ITPR1: variants seen among roughly 807,000 people sequenced by gnomAD.
ITPR1 encodes the protein inositol 1,4,5-trisphosphate receptor type 1.
A neutral mutation model predicts 318.4 loss-of-function variants in ITPR1; 96 were observed. The ratio of observed to expected loss-of-function variants is 0.30; its 90% CI spans 0.26 to 0.36. The LOEUF (loss-of-function observed/expected upper bound fraction) is 0.36, where lower values mean the gene tolerates loss of function less well. ITPR1 is among the 10% of genes least tolerant of loss of function. The pLI, the probability that ITPR1 is intolerant of heterozygous loss-of-function variation, is 1.00. For synonymous variants in ITPR1, 1,312 were observed against 1,289.9 expected (o/e 1.02, Z -0.37); for missense variants, 2,440 against 3,460.2 (o/e 0.71, Z 7.40).
intron 4 of ITPR1, among the ~76,000 whole-genome samples, chr3:4,621,790 C>T (rs1054625865): frequency 6.6e-6 from 1 of 152,216 alleles, no homozygotes; most frequent in African/African-American, 2.4e-5. Context: ...GGCGTTTGCA[C>T]GTGCTGTTCC....
At chr3:4,557,757 A>G (rs2086273755) in intron 4 of ITPR1, among the ~76,000 whole-genome samples, 1 of 152,194 alleles carries the variant, frequency 6.6e-6, no homozygotes, top group South Asian at 2.1e-4. Context: ...GTTATAGTGT[A>G]GGGATATGAC....
intron 10 of ITPR1, among the ~76,000 whole-genome samples, chr3:4,650,741 T>C (rs1302100657): frequency 6.6e-6 from 1 of 151,782 alleles, no homozygotes; most frequent in Non-Finnish European, 1.5e-5. Context: ...TTTGAGTCAT[T>C]ATGTTTATGA....
At chr3:4,553,881 G>A (rs1229377862) in intron 4 of ITPR1, among the ~76,000 whole-genome samples, 2 of 152,106 alleles carry the variant, frequency 1.3e-5, no homozygotes, top group Admixed American at 6.6e-5. Context: ...GGTTACGGGC[G>A]TGAGCCACCA....
intron 4 of ITPR1, among the ~76,000 whole-genome samples, chr3:4,540,328 ATTTG>A (rs2084315391): frequency 6.6e-6 from 1 of 152,114 alleles, no homozygotes; most frequent in African/African-American, 2.4e-5. Flanking sequence ...TTTAGTTAGT[ATTTG>A]TTTAAATATA....
At position 4,699,856 on chromosome 3, in the gene ITPR1, T is replaced by C. The variant is rs545364197; in HGVS notation, c.4451T>C (p.Leu1484Ser). 1 of 1,613,740 alleles carries C rather than the reference T, an allele frequency of 6.2e-7. No individual in the cohort carries two copies. Among genetic ancestry groups the C allele is most frequent in the South Asian group, 1.1e-5 (1 of 91,074 alleles). ...TSDRKHADSI[L>S]EKYVTEIVMS... The stretch of plus-strand genomic sequence containing the variant: ...GACAGGAAACATGCAGACTCGATTT[T>C]GGAGAAGTATGTCACCGAAATCGTC... The change falls in exon 35 of 62, where the codon TTG (leucine) becomes TCG (serine). Residue 1484 changes from leucine to serine, a missense_variant. Transcript: ENST00000649015.
intron 47 of ITPR1, among the ~76,000 whole-genome samples, chr3:4,776,024 A>G (rs559974169): frequency 1.2e-4 from 19 of 152,342 alleles, no homozygotes; most frequent in Non-Finnish European, 2.5e-4. Context: ...TTGCTTATAC[A>G]TGGCATCTTA....
intron 4 of ITPR1, among the ~76,000 whole-genome samples, chr3:4,521,530 A>G (rs1436708903): frequency 6.6e-6 from 1 of 152,160 alleles, no homozygotes; most frequent in Non-Finnish European, 1.5e-5. Context: ...AACGTTCTTA[A>G]TTATTGCACT....
chr3:4,607,700 G>C (rs1040892880), intron 4 of ITPR1, among the ~76,000 whole-genome samples: 1 of 152,180 alleles, frequency 6.6e-6, no homozygotes, highest in African/African-American at 2.4e-5. Context: ...GCAGTCATAC[G>C]GGTGTGGGTA....
At position 4,683,746 on chromosome 3, in the gene ITPR1, C is replaced by T; in HGVS notation, c.3446C>T (p.Pro1149Leu). 6.2e-7 allele frequency: 1 copy of T among 1,613,936 alleles called. No homozygotes were observed. The highest frequency in any genetic ancestry group is 1.1e-5 in the South Asian group (1 of 91,072). Residue 1149 changes from proline (P) to leucine (L), a missense_variant, in exon 28 of 62, where the codon CCC becomes CTC. Around this residue, in one of 23 missense-constraint regions of ITPR1, gnomAD observed 86 missense variants for 75.6 expected, o/e 1.14. Coordinates refer to ENST00000649015, the MANE Select transcript of ITPR1 (RefSeq NM_001378452.1). The stretch of plus-strand genomic sequence containing the variant: ...CTTTGGGTGTACAAAGGGCAGGGCC[C>T]CGATGAGACTATGGATGGTGCATCT... ...SELWVYKGQGPDETMDGASGE... is the reference protein window; with the variant it reads ...SELWVYKGQGLDETMDGASGE...
At chr3:4,648,144 C>T (rs1409468339) in intron 10 of ITPR1, among the ~76,000 whole-genome samples, 3 of 151,624 alleles carry the variant, frequency 2.0e-5, no homozygotes, top group African/African-American at 7.3e-5. Flanking sequence ...AAGAGTGAAA[C>T]TCTGTCTCAA....
chr3:4,645,284 C>G (rs1219182070), intron 8 of ITPR1, 103 bp from the exon 9 acceptor site: 7 of 781,650 alleles, frequency 9.0e-6, no homozygotes, highest in Admixed American at 8.2e-5. Flanking sequence ...TTTTTAGTCT[C>G]AAGTACAGCC....
intron 4 of ITPR1, among the ~76,000 whole-genome samples, chr3:4,581,744 T>C (rs1349395115): frequency 1.3e-5 from 2 of 152,182 alleles, no homozygotes; most frequent in African/African-American, 4.8e-5. Context: ...ACGGCAGGAA[T>C]TGTGCCCAAG....
rs2094158161 is a variant in ITPR1, at chr3:4,675,142, C to A, written c.2673C>A (p.Ile891=). The A allele has an allele frequency of 2.5e-6, 4 of 1,608,942 alleles. No homozygotes were observed. In the African/African-American group the frequency reaches 5.3e-5, roughly 21 times the overall value. Residue 891 remains isoleucine (I), a synonymous_variant, in exon 23 of 62, where the codon ATC becomes ATA. Coordinates refer to ENST00000649015, the MANE Select transcript of ITPR1 (RefSeq NM_001378452.1). Reference sequence around the variant, plus strand: ...CTGACCTTCTACGATTAACTAAGATCCTTCTGGCCATATTGGACTGTGTAC... The same window carrying A: ...CTGACCTTCTACGATTAACTAAGATACTTCTGGCCATATTGGACTGTGTAC... The part of the protein sequence containing the change: ...NFSDLLRLTK[I]LLAILDCVHV...
intron 49 of ITPR1, among the ~76,000 whole-genome samples, chr3:4,780,204 T>C (rs549156673): frequency 2.0e-5 from 3 of 152,294 alleles, no homozygotes; most frequent in Admixed American, 1.3e-4. Context: ...AGCACCATGC[T>C]CAGCACCTGA....
chr3:4,611,186 G>A (rs1338423849), intron 4 of ITPR1, among the ~76,000 whole-genome samples: 1 of 145,640 alleles, frequency 6.9e-6, no homozygotes. Context: ...CTCAAGCACA[G>A]GAGGTTGAGA....
rs61757112 is a variant in ITPR1 at position 4,795,172 on chromosome 3, A to C, written c.6916A>C (p.Lys2306Gln). 2 of 1,613,464 alleles carry C rather than the reference A, an allele frequency of 1.2e-6. No individual in the cohort carries two copies. Among genetic ancestry groups the C allele is most frequent in the Admixed American group, 1.7e-5 (1 of 59,946 alleles). Residue 2306 changes from lysine to glutamine, a missense_variant, in exon 53 of 62, where the codon AAG (lysine) becomes CAG (glutamine). By Grantham distance (53) the Lys-to-Gln change is moderately conservative. Transcript: ENST00000649015. ...GCTGGTGGCGTTTTTCTACCCGTTT[A>C]AGGGAGTCCGAGGAGGTACCCATAT... ...NLLVAFFYPF[K>Q]GVRGGTLEPH...
chr3:4,730,464 A>G (rs1339400708), intron 42 of ITPR1, among the ~76,000 whole-genome samples: 1 of 150,030 alleles, frequency 6.7e-6, no homozygotes, highest in Non-Finnish European at 1.5e-5. Flanking sequence ...CTTATGGGGG[A>G]AAATGTACCA....
chr3:4,672,338 A>G (rs1253162099), intron 20 of ITPR1, among the ~76,000 whole-genome samples: 1 of 152,258 alleles, frequency 6.6e-6, no homozygotes, highest in Non-Finnish European at 1.5e-5. Flanking sequence ...TGGTAATTTT[A>G]TAAGTGTGAA....
At chr3:4,498,342 G>T (rs2080761985) in intron 2 of ITPR1, among the ~76,000 whole-genome samples, 1 of 152,166 alleles carries the variant, frequency 6.6e-6, no homozygotes, top group African/African-American at 2.4e-5. Context: ...TAGCTGTCAG[G>T]GAAAAAGTGT....
Sources: allele counts gnomAD v4.1 joint callset (sites outside exome capture counted in the v4.1 genomes callset), GRCh38; gene constraint gnomAD v4.1.1; regional missense constraint gnomAD v4.1.1; transcripts MANE v1.5; gene names NCBI Gene and HGNC (gene_info 2026-07-23, HGNC 2026-07-21).